LIMK1: variants seen among roughly 807,000 people sequenced by gnomAD.
The protein encoded by LIMK1 is LIM motif-containing protein kinase.
LIMK1 carries 21 observed loss-of-function variants against 77.6 expected under a neutral mutation model. That is an observed-to-expected ratio of 0.27 (90% CI 0.19 to 0.39). The LOEUF is 0.39. LIMK1 is among the 10% of genes least tolerant of loss of function. The pLI is 1.00. For synonymous variants in LIMK1, 358 were observed against 370.0 expected, an observed-to-expected ratio of 0.97 and a Z score of 0.37; for missense variants, 696 against 901.6, an observed-to-expected ratio of 0.77 and a Z score of 2.92.
rs782624570 is a variant in LIMK1, at chr7:74,106,214, G to A, written c.852G>A (p.Ala284=). 6.2e-6 allele frequency: 10 copies of A among 1,613,430 alleles called. No individual in the cohort carries two copies. The highest frequency in any genetic ancestry group is 2.2e-5 in the East Asian group (1 of 44,870). ...CGGCTTATACTCCCAGCGGGGAGGC[G>A]GGCAGCTCTGCCCGGCAGAAACCTG... ...SSPAYTPSGE[A]GSSARQKPVL... Residue 284 remains alanine, a synonymous_variant, in exon 7 of 16, where the codon GCG becomes GCA. Coordinates refer to ENST00000336180, the MANE Select transcript of LIMK1 (RefSeq NM_002314.4).
intron 2 of LIMK1, chr7:74,093,098 C>T (rs1203131284): frequency 2.7e-5 from 38 of 1,403,294 alleles, no homozygotes; most frequent in Non-Finnish European, 3.3e-5. Context: ...GGCACCCACG[C>T]GGCTGCAGCC....
Position 74,085,805 on chromosome 7 carries a change from T to A in LIMK1, c.113T>A (p.Leu38His). 6.4e-7 allele frequency: 1 copy of A among 1,563,668 alleles called. No individual in the cohort carries two copies. The highest frequency in any genetic ancestry group is 1.9e-5 in the Admixed American group (1 of 53,084). Reference protein sequence around the residue: ...CGQRIYDGQYLQALNADWHAD... With the variant: ...CGQRIYDGQYHQALNADWHAD... ...CAGAGGATCTATGATGGCCAGTACC[T>A]CCAGGCCCTGAACGCGGACTGGCAC... The change falls in exon 2 of 16, where the codon CTC (leucine) becomes CAC (histidine). Residue 38 changes from leucine (L) to histidine (H), a missense_variant. Transcript: ENST00000336180.
In LIMK1 at chr7:74,106,138, A is replaced by G. The variant is rs142288587; in HGVS notation, c.776A>G (p.His259Arg). 140 of 1,613,944 alleles carry G rather than the reference A, an allele frequency of 8.7e-5. No individual in the cohort carries two copies. In the East Asian group the frequency reaches 3.1e-3, roughly 36 times the overall value. ...LLQLTLEHDP[H>R]DTLGHGLGPE... is the part of the protein sequence containing the mutation. ...CAGCTGACCCTCGAGCATGACCCTCACGATACACTGGGCCACGGGCTGGGG... is the reference window on the plus strand; with the variant it reads ...CAGCTGACCCTCGAGCATGACCCTCGCGATACACTGGGCCACGGGCTGGGG... Residue 259 changes from histidine (H) to arginine (R), a missense_variant, in exon 7 of 16, where the codon CAC becomes CGC. Around this residue, in one of 3 missense-constraint regions of LIMK1, gnomAD observed 438 missense variants for 602.3 expected, o/e 0.73. Coordinates refer to ENST00000336180, the MANE Select transcript of LIMK1 (RefSeq NM_002314.4).
intron 5 of LIMK1, among the ~76,000 whole-genome samples, chr7:74,102,214 T>C (rs1799473718): frequency 6.6e-6 from 1 of 152,116 alleles, no homozygotes; most frequent in South Asian, 2.1e-4. Context: ...TTTTGCAGAT[T>C]TATAGAAAAT....
At chr7:74,105,245 C>T (rs1304922029) in intron 5 of LIMK1, among the ~76,000 whole-genome samples, 2 of 152,136 alleles carry the variant, frequency 1.3e-5, no homozygotes, top group African/African-American at 2.4e-5. Context: ...TGAGCCACTG[C>T]GCCCGGCCAG....
intron 13 of LIMK1, among the ~76,000 whole-genome samples, chr7:74,119,403 T>C (rs1554700184): frequency 6.8e-6 from 1 of 147,534 alleles, no homozygotes; most frequent in East Asian, 2.0e-4. Context: ...GATCTTGAAC[T>C]CCTGACCTCA....
intron 2 of LIMK1, among the ~76,000 whole-genome samples, chr7:74,089,859 T>TG (rs1188805180): frequency 6.6e-6 from 1 of 151,802 alleles, no homozygotes; most frequent in Non-Finnish European, 1.5e-5. Flanking sequence ...GGAAGAACTT[T>TG]GGGGACCCCT....
At chr7:74,113,946 C>T (rs1346692320) in intron 12 of LIMK1, among the ~76,000 whole-genome samples, 3 of 150,934 alleles carry the variant, frequency 2.0e-5, no homozygotes, top group African/African-American at 7.3e-5. Flanking sequence ...ACAGAGCGAG[C>T]CCCTGTTTTT....
chr7:74,102,505 A>G (rs1440554584), intron 5 of LIMK1, among the ~76,000 whole-genome samples: 1 of 6,962 alleles, frequency 1.4e-4, no homozygotes, highest in African/African-American at 1.9e-4. Context: ...TTTTTTTTGG[A>G]GACAGGGTAT....
intron 13 of LIMK1, among the ~76,000 whole-genome samples, chr7:74,117,244 C>G (rs185051594): frequency 1.4e-4 from 21 of 152,142 alleles, no homozygotes; most frequent in Non-Finnish European, 2.1e-4. Context: ...TCTCAAACTC[C>G]TGGCTTCAGG....
chr7:74,107,121 C>G lies in LIMK1; in HGVS notation c.993C>G (p.His331Gln), dbSNP rs1554697771. The part of the protein sequence containing the change: ...SESLRVVCRP[H>Q]RIFRPSDLIH... ...CCCTCCGCGTAGTCTGCCGGCCACA[C>G]CGCATCTTCCGGCCGTCGGACCTCA... Residue 331 changes from histidine (H) to glutamine (Q), a missense_variant, in exon 8 of 16, where the codon CAC becomes CAG. His to Gln is a conservative substitution (Grantham distance 24). This residue lies in a region of LIMK1 where 438 missense variants were observed against 602.3 expected (regional missense o/e 0.73). Coordinates refer to ENST00000336180, the MANE Select transcript of LIMK1 (RefSeq NM_002314.4). The G allele has an allele frequency of 1.2e-6, 2 of 1,613,088 alleles. No homozygotes were observed. The highest frequency in any genetic ancestry group is 1.7e-6 in the Non-Finnish European group (2 of 1,179,912).
chr7:74,121,056 G>A lies in LIMK1; in HGVS notation c.1781+7G>A. 6.3e-7 allele frequency: 1 copy of A among 1,594,462 alleles called. No homozygotes were observed. Among genetic ancestry groups the A allele is most frequent in the Non-Finnish European group, 8.6e-7 (1 of 1,168,574 alleles). On this transcript the variant is annotated splice_region_variant and intron_variant, in intron 15 of 15. Transcript: ENST00000336180. Reference sequence around the variant, plus strand: ...ATCTGGACCCCGAGAAGAGGTGAGTGGGGTGGGGCCCTGGCCTGGGAGACG... The same window carrying A: ...ATCTGGACCCCGAGAAGAGGTGAGTAGGGTGGGGCCCTGGCCTGGGAGACG...
At chr7:74,090,248 G>A (rs563820066) in intron 2 of LIMK1, among the ~76,000 whole-genome samples, 65 of 152,164 alleles carry the variant, frequency 4.3e-4, no homozygotes, top group African/African-American at 1.5e-3. Context: ...GTTGGTGGGC[G>A]CCTGTAATCC....
chr7:74,115,072 C>T (rs1426358146), intron 12 of LIMK1, among the ~76,000 whole-genome samples: 2 of 151,844 alleles, frequency 1.3e-5, no homozygotes, highest in African/African-American at 2.4e-5. Context: ...AGTCAATCAA[C>T]CTAAATAAAT....
chr7:74,111,375 T>G, intron 10 of LIMK1: 1 of 444,808 alleles, frequency 2.2e-6, no homozygotes, highest in East Asian at 4.0e-5. Context: ...GAGGCGAAGG[T>G]TGTAGGGAGC....
Position 74,090,792 on chromosome 7 carries a change from C to G in LIMK1, c.152+4948C>G, listed in dbSNP as rs1051085520. Among the ~76,000 whole-genome samples the G allele has an allele frequency of 2.3e-4, 35 of 152,202 alleles. 2 individuals are homozygous for G. Among genetic ancestry groups the G allele is most frequent in the African/African-American group, 8.0e-4 (33 of 41,466 alleles). ...CCAGTGATTTCCACTTTCCTGGCCC[C>G]TCTGCATGCCCCTCCCAGTGGAACT... On this transcript the variant is annotated intron_variant, in intron 2 of 15. Coordinates refer to ENST00000336180, the MANE Select transcript of LIMK1 (RefSeq NM_002314.4).
At chr7:74,114,904 G>A (rs1336166339) in intron 12 of LIMK1, among the ~76,000 whole-genome samples, 2 of 136,696 alleles carry the variant, frequency 1.5e-5, no homozygotes, top group Non-Finnish European at 1.5e-5. Flanking sequence ...AATAGAGCAA[G>A]ACTCCAACTC....
At chr7:74,098,673 C>T (rs752859513) in intron 4 of LIMK1, among the ~76,000 whole-genome samples, 1 of 152,058 alleles carries the variant, frequency 6.6e-6, no homozygotes, top group Non-Finnish European at 1.5e-5. Context: ...ATGGTGAAAC[C>T]GTCTCTACTA....
At chr7:74,084,068 G>A (rs1554693729) in intron 1 of LIMK1, 23 bp downstream of exon 1, 10 of 1,429,982 alleles carry the variant, frequency 7.0e-6, no homozygotes, top group South Asian at 2.6e-5. Context: ...CGGGGTGTGG[G>A]GCGAGGGCCT....
Sources: allele counts gnomAD v4.1 joint callset (sites outside exome capture counted in the v4.1 genomes callset), GRCh38; gene constraint gnomAD v4.1.1; regional missense constraint gnomAD v4.1.1; transcripts MANE v1.5; gene names NCBI Gene and HGNC (gene_info 2026-07-23, HGNC 2026-07-21).